Variants in ANO7 observed in about 807,000 individuals in gnomAD.
ANO7 encodes anoctamin-7.
In ANO7, 114 loss-of-function variants were observed where a neutral mutation model predicts 115.8. The ratio of observed to expected loss-of-function variants is 0.98; its 90% CI spans 0.85 to 1.15. The LOEUF (loss-of-function observed/expected upper bound fraction) is 1.15. Ranked by LOEUF, ANO7 falls within the 50% of genes most tolerant of loss-of-function variation. The probability of loss-of-function intolerance (pLI) is 0.00; values close to 1 mark genes in which losing one functional copy is unlikely to be tolerated. For synonymous variants in ANO7, 550 were observed against 498.2 expected (o/e 1.10, Z -1.38); for missense variants, 1,302 against 1,201.2 (o/e 1.08, Z -1.24).
intron 20 of ANO7, 36 bp from the exon 21 acceptor site, chr2:241,218,203 C>CGGGGGCGCGCAGGGGCGGAGT: frequency 7.6e-7 from 1 of 1,323,488 alleles, no homozygotes; most frequent in South Asian, 1.7e-5. Flanking sequence ...AGGGGCGGAG[C>CGGGGGCGCGCAGGGGCGGAGT]GGGGGCCGCC....
chr2:241,226,004 C>T (rs998265191), downstream of ANO7, among the ~76,000 whole-genome samples: 5 of 152,212 alleles, frequency 3.3e-5, no homozygotes, highest in East Asian at 3.9e-4. Flanking sequence ...TTGAAACGTA[C>T]GAAAATGCTC....
chr2:241,229,190 T>G (rs1489485293), downstream of ANO7: 7 of 185,622 alleles, frequency 3.8e-5, no homozygotes, highest in Non-Finnish European at 3.4e-5. Context: ...AGGAGGGAGG[T>G]GGGAAAGGAA....
intron 1 of ANO7, 26 bp from the exon 2 acceptor site, chr2:241,190,031 T>A (rs1269022873): frequency 3.2e-6 from 5 of 1,540,642 alleles, no homozygotes; most frequent in Non-Finnish European, 4.4e-6. Flanking sequence ...CTGACCCCCA[T>A]CCCCACCCGG....
At chr2:241,230,774 G>T (rs747488885), downstream of ANO7, 3 of 1,614,174 alleles carry the variant, frequency 1.9e-6, no homozygotes, top group South Asian at 2.2e-5. The surrounding 1 kb of genome is among the most constrained non-coding windows in gnomAD (Gnocchi z 5.0). Context: ...ATTCGTCCAT[G>T]ATTTTGCGAA....
chr2:241,217,496 C>A, intron 19 of ANO7, 190 bp from the exon 20 acceptor site: 1 of 643,544 alleles, frequency 1.6e-6, no homozygotes, highest in Non-Finnish European at 2.6e-6. Flanking sequence ...GACAGCCGGC[C>A]TGAGGCCGGT....
chr2:241,200,540 C>T (rs376870019), intron 6 of ANO7, among the ~76,000 whole-genome samples: 4 of 152,176 alleles, frequency 2.6e-5, no homozygotes, highest in African/African-American at 7.2e-5. Flanking sequence ...TCTCAGGGCC[C>T]GGGCGATGGA....
At chr2:241,193,662 T>C (rs1039602952) in intron 3 of ANO7, among the ~76,000 whole-genome samples, 19 of 152,220 alleles carry the variant, frequency 1.2e-4, no homozygotes, top group Non-Finnish European at 7.3e-5. Context: ...TAATTGTGCC[T>C]AGAAAATTGT....
Position 241,190,143 on chromosome 2 carries a change from C to T in ANO7, c.80C>T (p.Ser27Phe), listed in dbSNP as rs757291441. The change falls in exon 2 of 25, where the codon TCT (serine) becomes TTT (phenylalanine). Residue 27 changes from serine (S) to phenylalanine (F), a missense_variant. By Grantham distance (155) the Ser-to-Phe change is radical (BLOSUM62 -2). Transcript: ENST00000674324. The stretch of plus-strand genomic sequence containing the variant: ...CCCCCTGAGGCAGAGAAGAGGGGCT[C>T]TTACGGGAGCACAGCCCACGCCTCG... ...VSPPEAEKRG[S>F]YGSTAHASEP... 1 of 1,572,528 alleles carries T rather than the reference C, an allele frequency of 6.4e-7. No individual in the cohort carries two copies. The highest frequency in any genetic ancestry group is 8.6e-7 in the Non-Finnish European group (1 of 1,159,066).
downstream of ANO7, chr2:241,230,795 G>A (rs11555546): frequency 2.5e-6 from 4 of 1,614,104 alleles, no homozygotes; most frequent in South Asian, 2.2e-5. The surrounding 1 kb of genome is among the most constrained non-coding windows in gnomAD (Gnocchi z 5.0). Flanking sequence ...TGGCTTTGCC[G>A]CGGGCACCAA....
chr2:241,195,635 G>GC, intron 3 of ANO7, 68 bp from the exon 4 acceptor site: 1 of 1,507,644 alleles, frequency 6.6e-7, no homozygotes, highest in Non-Finnish European at 9.1e-7. Context: ...TGGGATGCTG[G>GC]CATCCCTTCC....
chr2:241,213,222 G>A (rs1161987558), intron 17 of ANO7, among the ~76,000 whole-genome samples: 1 of 151,448 alleles, frequency 6.6e-6, no homozygotes. Flanking sequence ...GCAGGGGCTG[G>A]CCTCCTCATG....
chr2:241,207,474 G>A lies in ANO7; in HGVS notation c.981-100G>A. 3.5e-5 allele frequency: 30 copies of A among 866,772 alleles called. 1 individual carries two copies. The South Asian group carries it at 4.1e-4, about 12-fold the overall frequency. 53.7% of individuals were successfully genotyped at this position (866,772 alleles called of 1,614,324 possible). A position where few individuals can be genotyped will look rare whatever the true frequency, so the allele number is the denominator to read the frequency against. On this transcript the variant is annotated intron_variant, in intron 10 of 24. Coordinates refer to ENST00000674324, the MANE Select transcript of ANO7 (RefSeq NM_001370694.2). ...CCTGGCAAAGGCAGTGGTGGACAGA[G>A]AGGACAAGGGAGAGAGAGGACAAGG...
rs2149285690 is a variant in ANO7 at position 241,225,866 on chromosome 2, G to A, written c.*1713G>A. Reference sequence around the variant, plus strand: ...GAACCTTGGAAACTTTACACAGATGGGGAGCTCAGCCATTCCACGTGTGCT... The same window carrying A: ...GAACCTTGGAAACTTTACACAGATGAGGAGCTCAGCCATTCCACGTGTGCT... On this transcript the variant is annotated 3_prime_UTR_variant, in exon 25 of 25. Coordinates refer to ENST00000674324, the MANE Select transcript of ANO7 (RefSeq NM_001370694.2). 6.6e-6 allele frequency among the ~76,000 whole-genome samples: 1 copy of A among 152,336 alleles called. No individual in the cohort carries two copies. Among genetic ancestry groups the A allele is most frequent in the South Asian group, 2.1e-4 (1 of 4,830 alleles).
At chr2:241,213,469 G>A (rs1414347159) in intron 17 of ANO7, among the ~76,000 whole-genome samples, 1 of 152,196 alleles carries the variant, frequency 6.6e-6, no homozygotes, top group African/African-American at 2.4e-5. Flanking sequence ...TTGTCACGGG[G>A]GTCCCTGCAA....
rs765010485 is a variant in ANO7 at position 241,204,866 on chromosome 2, G to A, written c.891G>A (p.Gly297=). The A allele has an allele frequency of 6.2e-7, 1 of 1,613,716 alleles. No individual in the cohort carries two copies. Among genetic ancestry groups the A allele is most frequent in the Admixed American group, 1.7e-5 (1 of 60,010 alleles). ...EKVALYFAWL[G]FYTGWLLPAA... is the part of the protein sequence containing the mutation. ...GGACCCCTGCCATCCTCTCTACAGGGTTTTACACAGGCTGGCTCCTGCCAG... is the reference window on the plus strand; with the variant it reads ...GGACCCCTGCCATCCTCTCTACAGGATTTTACACAGGCTGGCTCCTGCCAG... The change falls in exon 10 of 25, where the codon GGG becomes GGA. Residue 297 remains glycine, a splice_region_variant and synonymous_variant. Transcript: ENST00000674324.
chr2:241,220,984 GA>G (rs912670791), intron 21 of ANO7, among the ~76,000 whole-genome samples: 43 of 150,456 alleles, frequency 2.9e-4, no homozygotes, highest in Admixed American at 2.2e-3. Flanking sequence ...AAAAAAAAAA[GA>G]AAAAAAGAAA....
In ANO7 at chr2:241,224,491, T is replaced by C; in HGVS notation, c.*338T>C. On this transcript the variant is annotated 3_prime_UTR_variant, in exon 25 of 25. Coordinates refer to ENST00000674324, the MANE Select transcript of ANO7 (RefSeq NM_001370694.2). ...GACAGTTCTCCTCAGGCAGGTGGGC[T>C]TTGTGGTCCTCGCCGCCCCTGGCCA... The C allele has an allele frequency of 2.9e-6, 1 of 340,578 alleles. No individual in the cohort carries two copies. The highest frequency in any genetic ancestry group is 5.5e-6 in the Non-Finnish European group (1 of 181,356). 21.1% of individuals were successfully genotyped at this position (340,578 alleles called of 1,614,324 possible). A position where few individuals can be genotyped will look rare whatever the true frequency, so the allele number is the denominator to read the frequency against.
chr2:241,211,585 G>A (rs2068721492), intron 15 of ANO7, among the ~76,000 whole-genome samples: 1 of 152,206 alleles, frequency 6.6e-6, no homozygotes, highest in South Asian at 2.1e-4. Flanking sequence ...GAAGGTGGGT[G>A]TCAGGGAAAG....
At chr2:241,218,461 G>A in intron 21 of ANO7, 80 bp downstream of exon 21, 2 of 1,202,482 alleles carry the variant, frequency 1.7e-6, no homozygotes, top group African/African-American at 3.2e-5. Context: ...TGGGGGTGCG[G>A]CGGTGGGGAG....
Sources: allele counts gnomAD v4.1 joint callset (sites outside exome capture counted in the v4.1 genomes callset), GRCh38; gene constraint gnomAD v4.1.1; non-coding constraint Gnocchi (gnomAD v3.1); transcripts MANE v1.5; gene names NCBI Gene and HGNC (gene_info 2026-07-23, HGNC 2026-07-21).